Variants in ARHGAP15 observed in about 807,000 individuals in gnomAD.
ARHGAP15 encodes the protein Rho GTPase activating protein 15, also known as rho GTPase-activating protein 15.
In ARHGAP15, 51 loss-of-function variants were observed where a neutral mutation model predicts 63.7. That is an observed-to-expected ratio of 0.80 (90% CI 0.64 to 1.01). The LOEUF (loss-of-function observed/expected upper bound fraction) is 1.01, where lower values mean the gene tolerates loss of function less well. Among genes scored for constraint, ARHGAP15 ranks in the 50% least tolerant of loss-of-function variants. The probability of loss-of-function intolerance (pLI) is 0.00; values close to 1 mark genes in which losing one functional copy is unlikely to be tolerated. For missense variants in ARHGAP15, 560 were observed against 564.6 expected, an observed-to-expected ratio of 0.99 and a Z score of 0.08; for synonymous variants, 191 against 193.8, an observed-to-expected ratio of 0.99 and a Z score of 0.12.
At chr2:143,360,305 A>G (rs1685988376) in intron 6 of ARHGAP15, among the ~76,000 whole-genome samples, 1 of 151,978 alleles carries the variant, frequency 6.6e-6, no homozygotes, top group South Asian at 2.1e-4. Flanking sequence ...GGATTGCTTT[A>G]GCCCAAGAGT....
chr2:143,642,852 C>A (rs1237704146), intron 12 of ARHGAP15, among the ~76,000 whole-genome samples: 1 of 152,056 alleles, frequency 6.6e-6, no homozygotes, highest in Non-Finnish European at 1.5e-5. Context: ...GACCAGGCTG[C>A]TGTTTTGTGG....
At chr2:143,675,559 A>C (rs1251125067) in intron 12 of ARHGAP15, among the ~76,000 whole-genome samples, 2 of 152,198 alleles carry the variant, frequency 1.3e-5, no homozygotes, top group Non-Finnish European at 2.9e-5. Context: ...GGGCTGCAGA[A>C]TGTATATTGT....
intron 2 of ARHGAP15, among the ~76,000 whole-genome samples, chr2:143,164,555 T>C (rs913769771): frequency 1.3e-5 from 2 of 152,018 alleles, no homozygotes; most frequent in African/African-American, 4.8e-5. Context: ...AGTTGTCATA[T>C]GTCAAGCAGA....
At chr2:143,421,305 C>T (rs1688907229) in intron 6 of ARHGAP15, among the ~76,000 whole-genome samples, 1 of 152,116 alleles carries the variant, frequency 6.6e-6, no homozygotes, top group Non-Finnish European at 1.5e-5. Flanking sequence ...CTAATAGTCA[C>T]AAACGTGACA....
At chr2:143,460,946 T>G (rs1422170680) in intron 8 of ARHGAP15, among the ~76,000 whole-genome samples, 2 of 152,122 alleles carry the variant, frequency 1.3e-5, no homozygotes, top group African/African-American at 4.8e-5. Flanking sequence ...CTTCCTTTTA[T>G]TTGAAGTAAA....
intron 6 of ARHGAP15, among the ~76,000 whole-genome samples, chr2:143,360,941 C>T (rs970272557): frequency 6.6e-6 from 1 of 152,036 alleles, no homozygotes; most frequent in Non-Finnish European, 1.5e-5. Flanking sequence ...CACATTTTGG[C>T]CAATTTAGTT....
intron 6 of ARHGAP15, among the ~76,000 whole-genome samples, chr2:143,330,117 A>AAAAC (rs1684462105): frequency 1.2e-5 from 1 of 85,336 alleles, no homozygotes; most frequent in Non-Finnish European, 2.3e-5. Context: ...AAAAAAAAAA[A>AAAAC]AAAAAAAAAA....
intron 6 of ARHGAP15, among the ~76,000 whole-genome samples, chr2:143,272,732 T>C (rs945324483): frequency 2.0e-5 from 3 of 152,202 alleles, no homozygotes; most frequent in Admixed American, 6.5e-5. Context: ...GAGTATTATG[T>C]TCTCTCTCTT....
intron 9 of ARHGAP15, among the ~76,000 whole-genome samples, chr2:143,493,472 A>G (rs1195975996): frequency 2.0e-5 from 3 of 152,054 alleles, no homozygotes; most frequent in African/African-American, 7.2e-5. Context: ...ATGCTCTATC[A>G]TTTGCTTATA....
intron 12 of ARHGAP15, among the ~76,000 whole-genome samples, chr2:143,653,114 T>C (rs1315136998): frequency 3.3e-5 from 5 of 152,126 alleles, no homozygotes; most frequent in Admixed American, 1.3e-4. Flanking sequence ...TCAGAAGTTT[T>C]TCTGCATCTA....
intron 6 of ARHGAP15, chr2:143,343,935 T>C (rs973761982): frequency 3.9e-5 from 6 of 152,148 alleles, no homozygotes; most frequent in African/African-American, 1.4e-4. Flanking sequence ...TCTGCCAAAA[T>C]TGATTTGCTA....
At chr2:143,607,341 A>G (rs1294527547) in intron 11 of ARHGAP15, among the ~76,000 whole-genome samples, 1 of 152,196 alleles carries the variant, frequency 6.6e-6, no homozygotes, top group Non-Finnish European at 1.5e-5. Context: ...TTGCCAGGAA[A>G]ACTTTGATTC....
intron 5 of ARHGAP15, among the ~76,000 whole-genome samples, chr2:143,241,440 T>C (rs1693856794): frequency 6.6e-6 from 1 of 152,212 alleles, no homozygotes; most frequent in African/African-American, 2.4e-5. Flanking sequence ...TAAATCTTAA[T>C]TGTATTTATC....
intron 13 of ARHGAP15, among the ~76,000 whole-genome samples, chr2:143,710,556 T>G (rs1684536577): frequency 6.6e-6 from 1 of 152,222 alleles, no homozygotes; most frequent in Admixed American, 6.5e-5. Context: ...AGTGAAATTA[T>G]TACTTTAGAT....
intron 9 of ARHGAP15, among the ~76,000 whole-genome samples, chr2:143,502,499 G>C (rs556571076): frequency 6.6e-6 from 1 of 152,298 alleles, no homozygotes; most frequent in East Asian, 1.9e-4. Context: ...AAAGCCATCT[G>C]TTCCTATAAT....
At chr2:143,402,124 G>A (rs966473659) in intron 6 of ARHGAP15, among the ~76,000 whole-genome samples, 4 of 151,832 alleles carry the variant, frequency 2.6e-5, no homozygotes, top group African/African-American at 9.7e-5. Flanking sequence ...TTACTGTCAC[G>A]ATCACAATCT....
At position 143,768,349 on chromosome 2, in the gene ARHGAP15, A is replaced by T. The variant is rs1481117730; in HGVS notation, c.*177A>T. The T allele has an allele frequency of 1.5e-6, 1 of 667,004 alleles. No homozygotes were observed. Among genetic ancestry groups the T allele is most frequent in the Admixed American group, 3.0e-5 (1 of 33,360 alleles). 41.3% of individuals were successfully genotyped at this position (667,004 alleles called of 1,614,324 possible). A position where few individuals can be genotyped will look rare whatever the true frequency, so the allele number is the denominator to read the frequency against. Reference sequence around the variant, plus strand: ...CAAACATTTGAATAAAATAATTGACAATATTTGCCTCTATGTGTTCTACAT... The same window carrying T: ...CAAACATTTGAATAAAATAATTGACTATATTTGCCTCTATGTGTTCTACAT... On this transcript the variant is annotated 3_prime_UTR_variant, in exon 14 of 14. Coordinates refer to ENST00000295095, the MANE Select transcript of ARHGAP15 (RefSeq NM_018460.4).
intron 13 of ARHGAP15, among the ~76,000 whole-genome samples, chr2:143,754,636 C>CAA (rs1686504433): frequency 6.6e-6 from 1 of 152,226 alleles, no homozygotes; most frequent in South Asian, 2.1e-4. Flanking sequence ...TCAGGATCCT[C>CAA]AAGCCTTCTA....
chr2:143,233,898 C>T (rs972715681), intron 5 of ARHGAP15, among the ~76,000 whole-genome samples: 6 of 151,936 alleles, frequency 3.9e-5, no homozygotes, highest in African/African-American at 1.4e-4. Flanking sequence ...GCCTGCCTCA[C>T]CCTCCCAAAG....
Sources: allele counts gnomAD v4.1 joint callset (sites outside exome capture counted in the v4.1 genomes callset), GRCh38; gene constraint gnomAD v4.1.1; transcripts MANE v1.5; gene names NCBI Gene and HGNC (gene_info 2026-07-23, HGNC 2026-07-21).